The following FOXP2 variants were observed in gnomAD, a reference collection of about 807,000 sequenced individuals.
The protein encoded by FOXP2 is forkhead box protein P2.
FOXP2 carries 12 observed loss-of-function variants against 115.8 expected under a neutral mutation model. The observed-to-expected ratio is 0.10, with a 90% CI of 0.07 to 0.17. The LOEUF (loss-of-function observed/expected upper bound fraction) is 0.17, where lower values mean the gene tolerates loss of function less well. Among genes scored for constraint, FOXP2 ranks in the 10% least tolerant of loss-of-function variants. The pLI, the probability that FOXP2 is intolerant of heterozygous loss-of-function variation, is 1.00. For synonymous variants in FOXP2, 328 were observed against 297.7 expected (o/e 1.10, Z -1.05); for missense variants, 629 against 843.5 (o/e 0.75, Z 3.15).
upstream of FOXP2, among the ~76,000 whole-genome samples, chr7:114,162,568 A>G (rs1157703105): frequency 6.6e-6 from 1 of 152,148 alleles, no homozygotes; most frequent in Admixed American, 6.5e-5. Flanking sequence ...GACATTAAAA[A>G]AAATGAGTAA....
intron 2 of FOXP2, among the ~76,000 whole-genome samples, chr7:114,444,852 A>G (rs916212356): frequency 2.6e-5 from 4 of 152,000 alleles, no homozygotes; most frequent in African/African-American, 4.8e-5. Context: ...GAATGGGAAA[A>G]CTCTTAATAG....
chr7:114,579,992 T>TA (rs1001188184), intron 3 of FOXP2, among the ~76,000 whole-genome samples: 12 of 152,208 alleles, frequency 7.9e-5, no homozygotes, highest in South Asian at 2.1e-4. Flanking sequence ...AGGTAAAGTT[T>TA]AAAAAAAATC....
At chr7:114,406,366 C>A (rs977708825) in intron 2 of FOXP2, among the ~76,000 whole-genome samples, 1 of 151,866 alleles carries the variant, frequency 6.6e-6, no homozygotes, top group Non-Finnish European at 1.5e-5. Flanking sequence ...AACATTAGCT[C>A]AACTCAAAGT....
At chr7:114,495,481 CTCTTTTTTTTTT>C (rs1797265342) in intron 2 of FOXP2, among the ~76,000 whole-genome samples, 1 of 81,902 alleles carries the variant, frequency 1.2e-5, no homozygotes, top group African/African-American at 4.7e-5. Flanking sequence ...CTTTCTCTCT[CTCTTTTTTTTTT>C]TTTTTTTTTT....
intron 3 of FOXP2, among the ~76,000 whole-genome samples, chr7:114,541,353 G>C (rs1041857583): frequency 6.6e-6 from 1 of 152,070 alleles, no homozygotes; most frequent in East Asian, 1.9e-4. Context: ...AGAAAAAGCA[G>C]AAGAGACAAG....
At chr7:114,285,712 T>A (rs1562854090) in intron 1 of FOXP2, among the ~76,000 whole-genome samples, 1 of 152,116 alleles carries the variant, frequency 6.6e-6, no homozygotes. Context: ...ATTGGTTTTT[T>A]AATTTGCATC....
chr7:114,556,191 C>T (rs1274997445), intron 3 of FOXP2, among the ~76,000 whole-genome samples: 1 of 152,138 alleles, frequency 6.6e-6, no homozygotes, highest in Non-Finnish European at 1.5e-5. Flanking sequence ...CAGGTTTCTT[C>T]CCCCTACATC....
intron 1 of FOXP2, among the ~76,000 whole-genome samples, chr7:114,105,628 T>G (rs1246295335): frequency 6.6e-6 from 1 of 152,080 alleles, no homozygotes; most frequent in East Asian, 1.9e-4. Flanking sequence ...CTGAACATTC[T>G]TCCTTCAGTT....
At chr7:114,288,296 C>T (rs914340975) in intron 2 of FOXP2, among the ~76,000 whole-genome samples, 2 of 151,860 alleles carry the variant, frequency 1.3e-5, no homozygotes, top group Non-Finnish European at 2.9e-5. Context: ...TATTGGGATT[C>T]CCATTTCACT....
chr7:114,428,548 G>A (rs1793972465), intron 2 of FOXP2, among the ~76,000 whole-genome samples: 1 of 151,374 alleles, frequency 6.6e-6, no homozygotes, highest in African/African-American at 2.4e-5. Context: ...TATGGTGGGT[G>A]CCTACATAGC....
chr7:114,427,781 G>A (rs1327547196), intron 2 of FOXP2, among the ~76,000 whole-genome samples: 1 of 151,370 alleles, frequency 6.6e-6, no homozygotes, highest in African/African-American at 2.4e-5. Flanking sequence ...AACAATAACA[G>A]CATTAAAAAA....
chr7:114,628,752 A>G (rs771472487), intron 4 of FOXP2, 75 bp downstream of exon 4: 3 of 1,571,558 alleles, frequency 1.9e-6, no homozygotes, highest in South Asian at 2.2e-5. Flanking sequence ...TGCAGTGGGC[A>G]TATTTGACAA....
upstream of FOXP2, among the ~76,000 whole-genome samples, chr7:114,409,279 G>A (rs1793109947): frequency 6.6e-6 from 1 of 152,006 alleles, no homozygotes; most frequent in African/African-American, 2.4e-5. Flanking sequence ...GAAATCGTTA[G>A]TATAAATTGA....
chr7:114,477,137 C>A (rs1029030360), intron 2 of FOXP2, among the ~76,000 whole-genome samples: 1 of 151,850 alleles, frequency 6.6e-6, no homozygotes, highest in African/African-American at 2.4e-5. Context: ...TTCAACCCAG[C>A]AATACAATTA....
intron 2 of FOXP2, among the ~76,000 whole-genome samples, chr7:114,351,632 A>G (rs1791493084): frequency 6.6e-6 from 1 of 152,128 alleles, no homozygotes; most frequent in Non-Finnish European, 1.5e-5. Flanking sequence ...ATAGTGTCAC[A>G]ATATAAAATG....
chr7:114,458,212 G>T (rs1795403743), intron 2 of FOXP2, among the ~76,000 whole-genome samples: 1 of 152,150 alleles, frequency 6.6e-6, no homozygotes. Flanking sequence ...GAAAGGGAAT[G>T]TGTTGTTAAT....
chr7:114,198,594 C>T (rs928318029), intron 1 of FOXP2, among the ~76,000 whole-genome samples: 4 of 152,164 alleles, frequency 2.6e-5, no homozygotes, highest in East Asian at 3.9e-4. Context: ...GCTGATCTGA[C>T]GGGAGGTGAA....
chr7:114,261,515 G>A (rs901254680), intron 1 of FOXP2, among the ~76,000 whole-genome samples: 2 of 152,088 alleles, frequency 1.3e-5, no homozygotes, highest in South Asian at 4.2e-4. Context: ...AAAAGATTAG[G>A]CTTCTTCCTA....
intron 2 of FOXP2, among the ~76,000 whole-genome samples, chr7:114,459,990 GT>G (rs1320594184): frequency 6.6e-6 from 1 of 151,982 alleles, no homozygotes. Flanking sequence ...TCATGCCCAA[GT>G]TTTTTTTAGT....
Sources: gnomAD v4.1 joint callset for allele counts (sites outside exome capture counted in the v4.1 genomes callset) on GRCh38, gnomAD v4.1.1 for gene constraint, MANE v1.5 for transcripts, NCBI Gene and HGNC (gene_info 2026-07-23, HGNC 2026-07-21) for gene names.